The following STRC variants were observed in gnomAD, a reference collection of about 807,000 sequenced individuals.
STRC encodes stereocilin.
Under a neutral mutation model 103.5 loss-of-function variants are expected in STRC, and 43 were observed. That is an observed-to-expected ratio of 0.42 (90% CI 0.33 to 0.54). The LOEUF is 0.54. STRC is among the 20% of genes least tolerant of loss of function. STRC has a pLI of 0.14. For synonymous variants in STRC, 186 were observed against 442.3 expected (o/e 0.42, Z 7.27); for missense variants, 499 against 1,088.5 (o/e 0.46, Z 7.62).
Position 43,604,725 on chromosome 15 carries a change from T to C in STRC, c.4052A>G (p.Gln1351Arg). 2 of 1,613,644 alleles carry C rather than the reference T, an allele frequency of 1.2e-6. No individual in the cohort carries two copies. The highest frequency in any genetic ancestry group is 1.7e-6 in the Non-Finnish European group (2 of 1,179,702). The part of the protein sequence containing the change: ...PLQILLSHLS[Q>R]LQGFCLGETF... The stretch of plus-strand genomic sequence containing the variant: ...CTCTCCTAGGCAGAAGCCTTGCAGC[T>C]GACTGAGATGGGACAGCAGGATCTG... The change falls in exon 20 of 29, where the codon CAG becomes CGG. Residue 1351 changes from glutamine to arginine, a missense_variant. By Grantham distance (43) the Gln-to-Arg change is conservative. Coordinates refer to ENST00000450892, the MANE Select transcript of STRC (RefSeq NM_153700.2).
chr15:43,608,368 C>T (rs2141526518), intron 16 of STRC, among the ~76,000 whole-genome samples, 165 bp from the exon 17 acceptor site: 1 of 139,944 alleles, frequency 7.1e-6, no homozygotes, highest in South Asian at 2.3e-4. Flanking sequence ...AACATCACTG[C>T]TGTTTATCAG....
rs2085658057 is a variant in STRC, at chr15:43,600,636, C to T, written c.4891G>A (p.Glu1631Lys). 6.2e-7 allele frequency: 1 copy of T among 1,613,712 alleles called. No individual in the cohort carries two copies. Among genetic ancestry groups the T allele is most frequent in the Non-Finnish European group, 8.5e-7 (1 of 1,179,876 alleles). ...LGTLHLQCSE[E>K]QLEVLAHLLV... ...AGGTGGGCCAGAACCTCCAGTTGTTCCTCAGAGCACTGGAGATGCAGGGTG... is the reference window on the plus strand; with the variant it reads ...AGGTGGGCCAGAACCTCCAGTTGTTTCTCAGAGCACTGGAGATGCAGGGTG... Residue 1631 changes from glutamate to lysine, a missense_variant, in exon 26 of 29, where the codon GAA (glutamate) becomes AAA (lysine). Glu to Lys is a moderately conservative substitution (Grantham distance 56). Transcript: ENST00000450892.
intron 26 of STRC, 95 bp downstream of exon 26, chr15:43,600,438 GC>G: frequency 6.3e-7 from 1 of 1,587,944 alleles, no homozygotes; most frequent in Non-Finnish European, 8.6e-7. Flanking sequence ...ACACCCTCAG[GC>G]CCCCACCTTA....
At chr15:43,605,031 G>T in intron 19 of STRC, 185 bp from the exon 20 acceptor site, 1 of 1,034,700 alleles carries the variant, frequency 9.7e-7, no homozygotes, top group African/African-American at 1.6e-5. Flanking sequence ...GAAAGACTGA[G>T]AGGTGGACTC....
rs545623097 is a variant in STRC at position 43,608,111 on chromosome 15, T to C, written c.3650A>G (p.Tyr1217Cys). 2.5e-5 allele frequency: 41 copies of C among 1,609,246 alleles called. 2 individuals are homozygous for C. The East Asian group carries it at 2.7e-4, about 11-fold the overall frequency. ...CCCTCGAACTCTAGTGGGCAGCTGA[T>C]AGATCATGTGCACCACTTCAAGGAA... ...VDFLEVVHMI[Y>C]QLPTRVRGSL... Residue 1217 changes from tyrosine to cysteine, a missense_variant, in exon 17 of 29, where the codon TAT (tyrosine) becomes TGT (cysteine). Tyr to Cys is a radical substitution (Grantham distance 194). Transcript: ENST00000450892.
rs765170913 is a variant in STRC, at chr15:43,600,987, G to A, written c.4729C>T (p.Arg1577Trp). The A allele has an allele frequency of 3.8e-5, 57 of 1,504,222 alleles. 1 individual carries two copies. The highest frequency in any genetic ancestry group is 3.6e-4 in the Middle Eastern group (2 of 5,546). The allele number at this position is 1,504,222 out of a possible 1,614,324, so 93.2% of individuals were successfully genotyped here. The change falls in exon 25 of 29, where the codon CGG (arginine) becomes TGG (tryptophan). Residue 1577 changes from arginine (R) to tryptophan (W), a missense_variant. Transcript: ENST00000450892. ...QLRIVVSSFL[R>W]QSGRHVSHLD... ...TGGCTCACATGCCGACCACTCTGCC[G>A]TAGGAAACTGGAGACCACAATGCGG...
chr15:43,602,126 A>AAG (rs1555446942), intron 23 of STRC, among the ~76,000 whole-genome samples: 2 of 149,572 alleles, frequency 1.3e-5, no homozygotes, highest in East Asian at 3.9e-4. Flanking sequence ...TGTCTCAAAA[A>AAG]AAAAAAAAAA....
At position 43,604,021 on chromosome 15, in the gene STRC, C is replaced by T. The variant is rs745731066; in HGVS notation, c.4350G>A (p.Val1450=). The T allele has an allele frequency of 5.0e-6, 8 of 1,613,108 alleles. No homozygotes were observed. Among genetic ancestry groups the T allele is most frequent in the Non-Finnish European group, 6.8e-6 (8 of 1,179,648 alleles). The change falls in exon 22 of 29, where the codon GTG becomes GTA. Residue 1450 remains valine, a synonymous_variant. Transcript: ENST00000450892. The part of the protein sequence containing the change: ...AKKAALVAGV[V]RPAAEDLPEP... ...CTGGAAGATCCTCAGCAGCTGGTCG[C>T]ACCACCCCTGCTACCAGGGCTGCTT... is the stretch of plus-strand genomic sequence containing the variant.
chr15:43,616,970 A>G (rs1369275812), intron 3 of STRC, among the ~76,000 whole-genome samples: 2 of 152,294 alleles, frequency 1.3e-5, no homozygotes, highest in Non-Finnish European at 2.9e-5. Context: ...ATGCTTTTAG[A>G]TAGCTTAAAC....
intron 22 of STRC, chr15:43,603,706 T>C (rs193121356): frequency 1.5e-6 from 1 of 653,544 alleles, no homozygotes. Flanking sequence ...TCAAAGCTTC[T>C]AGGGATCTCC....
At chr15:43,608,003 C>G (rs1462571054) in intron 17 of STRC, 28 bp from the exon 18 acceptor site, 5 of 1,610,938 alleles carry the variant, frequency 3.1e-6, no homozygotes, top group Non-Finnish European at 4.2e-6. Flanking sequence ...GAGGCCAGAG[C>G]AGAACATAGG....
At chr15:43,613,553 C>T (rs144046466) in intron 7 of STRC, among the ~76,000 whole-genome samples, 22,188 of 143,956 alleles carry the variant, frequency 0.15, 744 homozygotes, top group African/African-American at 0.34. Context: ...ACCATATTGG[C>T]CAGGCTGGTC....
chr15:43,600,555 T>G lies in STRC; in HGVS notation c.4972A>C (p.Thr1658Pro). The change falls in exon 26 of 29, where the codon ACT becomes CCT. Residue 1658 changes from threonine (T) to proline (P), a missense_variant. Thr to Pro is a conservative substitution (Grantham distance 38, BLOSUM62 -1). Coordinates refer to ENST00000450892, the MANE Select transcript of STRC (RefSeq NM_153700.2). ...PISNWGPEIF[T>P]EIGTIAAGIP... ...CCACCTGCTATGGTGCCAATTTCAGTGAAGATCTCAGGCCCCCAGTTACTG... is the reference window on the plus strand; with the variant it reads ...CCACCTGCTATGGTGCCAATTTCAGGGAAGATCTCAGGCCCCCAGTTACTG... 1 of 1,613,386 alleles carries G rather than the reference T, an allele frequency of 6.2e-7. No homozygotes were observed. Among genetic ancestry groups the G allele is most frequent in the Non-Finnish European group, 8.5e-7 (1 of 1,179,748 alleles).
In STRC at chr15:43,608,100, T is replaced by G. The variant is rs780948412; in HGVS notation, c.3661A>C (p.Thr1221Pro). The change falls in exon 17 of 29, where the codon ACT becomes CCT. Residue 1221 changes from threonine (T) to proline (P), a missense_variant. Physicochemically the swap from Thr to Pro is conservative, Grantham distance 38 (BLOSUM62 -1). Coordinates refer to ENST00000450892, the MANE Select transcript of STRC (RefSeq NM_153700.2). ...EVVHMIYQLP[T>P]RVRGSLRACI... ...CTCACCAGGCTCCCTCGAACTCTAG[T>G]GGGCAGCTGATAGATCATGTGCACC... The G allele has an allele frequency of 3.7e-6, 6 of 1,609,768 alleles. No individual in the cohort carries two copies. In the Admixed American group the frequency reaches 8.4e-5, roughly 22 times the overall value.
At chr15:43,607,015 G>GA (rs897389576) in intron 18 of STRC, among the ~76,000 whole-genome samples, 1 of 147,886 alleles carries the variant, frequency 6.8e-6, no homozygotes, top group Admixed American at 6.7e-5. Context: ...AAAAAAAAAA[G>GA]AAAAAAAAGA....
In STRC at chr15:43,601,937, T is replaced by C. The variant is rs528044763; in HGVS notation, c.4546-386A>G. 1.1e-3 allele frequency among the ~76,000 whole-genome samples: 170 copies of C among 151,248 alleles called. 1 individual carries two copies. Among genetic ancestry groups the C allele is most frequent in the Non-Finnish European group, 1.9e-3 (126 of 67,792 alleles). The stretch of plus-strand genomic sequence containing the variant: ...AAGTTCGAGACCATCCTGGGCAACA[T>C]AGTGAAACCCCATCTCTACCAAAGA... On this transcript the variant is annotated intron_variant, in intron 23 of 28. Transcript: ENST00000450892.
chr15:43,616,727 GT>G (rs1225314286), intron 3 of STRC, 37 bp from the exon 4 acceptor site: 2 of 431,756 alleles, frequency 4.6e-6, no homozygotes, highest in Middle Eastern at 6.4e-4. Flanking sequence ...GATCTGGTCA[GT>G]TCACATTTCC....
At chr15:43,602,121 CA>C (rs35561492) in intron 23 of STRC, among the ~76,000 whole-genome samples, 249 of 38,288 alleles carry the variant, frequency 6.5e-3, no homozygotes, top group Admixed American at 9.4e-3. Context: ...GACTCTGTCT[CA>C]AAAAAAAAAA....
chr15:43,604,130 A>G lies in STRC; in HGVS notation c.4241T>C (p.Leu1414Pro), dbSNP rs1402332394. 1.2e-6 allele frequency: 2 copies of G among 1,610,506 alleles called. No homozygotes were observed. Among genetic ancestry groups the G allele is most frequent in the Admixed American group, 3.3e-5 (2 of 59,734 alleles). ...CTGCTGCTTTTCTAGAAGCCGCTCC[A>G]GGGTCTCTGGACCCAAGGCCTCCTG... ...IPREALGPET[L>P]ERLLEKQQSW... Residue 1414 changes from leucine (L) to proline (P), a missense_variant, in exon 22 of 29, where the codon CTG (leucine) becomes CCG (proline). Physicochemically the swap from Leu to Pro is moderately conservative, Grantham distance 98. Coordinates refer to ENST00000450892, the MANE Select transcript of STRC (RefSeq NM_153700.2).
Sources: gnomAD v4.1 joint callset for allele counts (sites outside exome capture counted in the v4.1 genomes callset) on GRCh38, gnomAD v4.1.1 for gene constraint, MANE v1.5 for transcripts, NCBI Gene and HGNC (gene_info 2026-07-23, HGNC 2026-07-21) for gene names.